The following DYNC1I1 variants were observed in gnomAD, a reference collection of about 807,000 sequenced individuals.
DYNC1I1 encodes the protein cytoplasmic dynein 1 intermediate chain 1.
Under a neutral mutation model 86.6 loss-of-function variants are expected in DYNC1I1, and 43 were observed. That is an observed-to-expected ratio of 0.50 (90% CI 0.39 to 0.64). The LOEUF (loss-of-function observed/expected upper bound fraction) is 0.64. Ranked by LOEUF, DYNC1I1 falls within the 30% of genes least tolerant of loss-of-function variation. The pLI, the probability that DYNC1I1 is intolerant of heterozygous loss-of-function variation, is 0.00. For missense variants in DYNC1I1, 604 were observed against 788.8 expected (o/e 0.77, Z 2.81); for synonymous variants, 262 against 283.7 (o/e 0.92, Z 0.77).
At position 95,813,285 on chromosome 7, in the gene DYNC1I1, A is replaced by G; in HGVS notation, c.262A>G (p.Thr88Ala). 1.9e-6 allele frequency: 3 copies of G among 1,611,812 alleles called. No homozygotes were observed. The highest frequency in any genetic ancestry group is 2.5e-6 in the Non-Finnish European group (3 of 1,179,344). Residue 88 changes from threonine to alanine, a missense_variant, in exon 4 of 17, where the codon ACT becomes GCT. Transcript: ENST00000447467. ...PMSPSSKSVS[T>A]PSEAGSQDSG... Reference sequence around the variant, plus strand: ...GTCTCCCTCCTCGAAATCAGTGAGCACTCCCAGTGAAGCTGGAAGCCAAGA... The same window carrying G: ...GTCTCCCTCCTCGAAATCAGTGAGCGCTCCCAGTGAAGCTGGAAGCCAAGA...
chr7:96,054,061 C>A (rs536713325), intron 14 of DYNC1I1, among the ~76,000 whole-genome samples: 2 of 152,012 alleles, frequency 1.3e-5, no homozygotes, highest in Non-Finnish European at 2.9e-5. Flanking sequence ...GTTATATACA[C>A]GTGCCATGGT....
chr7:96,033,352 A>G (rs774725489), intron 12 of DYNC1I1, among the ~76,000 whole-genome samples: 15 of 152,220 alleles, frequency 9.9e-5, no homozygotes, highest in Non-Finnish European at 1.8e-4. Flanking sequence ...TACTGATTGC[A>G]ACAGTGGGGA....
chr7:95,805,486 G>A (rs1202608286), intron 2 of DYNC1I1, among the ~76,000 whole-genome samples: 1 of 152,098 alleles, frequency 6.6e-6, no homozygotes, highest in African/African-American at 2.4e-5. Context: ...TGAAATTTCA[G>A]AGACTTTCCA....
At chr7:95,814,066 T>C (rs2706881) in intron 4 of DYNC1I1, among the ~76,000 whole-genome samples, 2,813 of 152,294 alleles carry the variant, frequency 0.018, 92 homozygotes, top group African/African-American at 0.064. Flanking sequence ...TCTTCACCAG[T>C]GTTCCCACAT....
At chr7:95,984,304 T>C (rs2115681307) in intron 7 of DYNC1I1, among the ~76,000 whole-genome samples, 1 of 152,270 alleles carries the variant, frequency 6.6e-6, no homozygotes, top group South Asian at 2.1e-4. Context: ...TAACAATCAG[T>C]CAGCCTTACC....
chr7:96,022,713 A>G (rs1271655053), intron 10 of DYNC1I1, among the ~76,000 whole-genome samples: 1 of 151,806 alleles, frequency 6.6e-6, no homozygotes, highest in African/African-American at 2.4e-5. Flanking sequence ...AAAATTTTAA[A>G]AATTACCTCG....
At chr7:96,015,780 T>A (rs1403208811) in intron 10 of DYNC1I1, among the ~76,000 whole-genome samples, 2 of 152,160 alleles carry the variant, frequency 1.3e-5, no homozygotes, top group Admixed American at 6.5e-5. Context: ...GACTCTTCGG[T>A]GGACACGACA....
At chr7:95,939,619 C>A (rs1463542046) in intron 6 of DYNC1I1, among the ~76,000 whole-genome samples, 4 of 150,578 alleles carry the variant, frequency 2.7e-5, no homozygotes, top group African/African-American at 9.8e-5. Flanking sequence ...AGGATTGCAA[C>A]CCCTGCCTTT....
intron 6 of DYNC1I1, among the ~76,000 whole-genome samples, chr7:95,934,600 T>A (rs1393238050): frequency 6.6e-6 from 1 of 152,114 alleles, no homozygotes; most frequent in Non-Finnish European, 1.5e-5. Context: ...AAGTCCTCAT[T>A]GTAAAACACC....
Position 96,028,226 on chromosome 7 carries a change from G to A in DYNC1I1, c.1021G>A (p.Gly341Ser), listed in dbSNP as rs1207515046. ...FARFHPNLVV[G>S]GTYSGQIVLW... Reference sequence around the variant, plus strand: ...CCGTTTCCATCCTAACTTGGTGGTTGGTGGGACTTACTCGGGCCAGATTGT... The same window carrying A: ...CCGTTTCCATCCTAACTTGGTGGTTAGTGGGACTTACTCGGGCCAGATTGT... Residue 341 changes from glycine (G) to serine (S), a missense_variant, in exon 11 of 17, where the codon GGT becomes AGT. Transcript: ENST00000447467. 1.2e-6 allele frequency: 2 copies of A among 1,613,752 alleles called. No homozygotes were observed. The highest frequency in any genetic ancestry group is 1.3e-5 in the African/African-American group (1 of 74,862).
intron 14 of DYNC1I1, among the ~76,000 whole-genome samples, chr7:96,067,445 C>CTTTT (rs555422571): frequency 6.5e-5 from 9 of 138,764 alleles, no homozygotes; most frequent in South Asian, 2.3e-4. Flanking sequence ...TCTTTCTTTC[C>CTTTT]TTTTTTTTTT....
At position 96,054,519 on chromosome 7, in the gene DYNC1I1, T is replaced by A. The variant is rs531838746; in HGVS notation, c.1509+15098T>A. On this transcript the variant is annotated intron_variant, in intron 14 of 16. Transcript: ENST00000447467. ...TATACCCAGTAATGGGATTGCTGGG[T>A]CAAATGATATTTCTGGTTCTAGATC... Among the ~76,000 whole-genome samples, 18 of 152,362 alleles carry A rather than the reference T, an allele frequency of 1.2e-4. 1 individual carries two copies. The South Asian group carries it at 3.7e-3, about 32-fold the overall frequency.
At chr7:96,033,693 T>G in intron 12 of DYNC1I1, among the ~76,000 whole-genome samples, 1 of 152,286 alleles carries the variant, frequency 6.6e-6, no homozygotes, top group South Asian at 2.1e-4. Flanking sequence ...CACACAATTT[T>G]AGAAGAAGTT....
chr7:95,997,120 G>C (rs1009536426), intron 10 of DYNC1I1, among the ~76,000 whole-genome samples: 2 of 152,156 alleles, frequency 1.3e-5, no homozygotes, highest in African/African-American at 4.8e-5. Flanking sequence ...CTAATTTGCT[G>C]TCTCAAAAAC....
intron 12 of DYNC1I1, among the ~76,000 whole-genome samples, chr7:96,033,031 T>C (rs1010220387): frequency 2.6e-5 from 4 of 152,216 alleles, no homozygotes; most frequent in African/African-American, 9.6e-5. Flanking sequence ...AAATAATCCA[T>C]TCTAAATCAT....
At chr7:95,831,882 T>G (rs1227512) in intron 5 of DYNC1I1, among the ~76,000 whole-genome samples, 3,444 of 151,960 alleles carry the variant, frequency 0.023, 132 homozygotes, top group African/African-American at 0.079. Context: ...CTTTATATAT[T>G]TTGGATATTA....
At chr7:96,106,145 T>C (rs758180000) in intron 16 of DYNC1I1, among the ~76,000 whole-genome samples, 21 of 152,234 alleles carry the variant, frequency 1.4e-4, no homozygotes, top group Non-Finnish European at 2.5e-4. Flanking sequence ...CTTTCCACTT[T>C]GGGCTTAATT....
intron 9 of DYNC1I1, among the ~76,000 whole-genome samples, chr7:95,994,819 T>G (rs1013647043): frequency 6.6e-6 from 1 of 152,220 alleles, no homozygotes; most frequent in African/African-American, 2.4e-5. Context: ...AAGCCATTTA[T>G]GAAGCTGCTG....
chr7:95,777,054 T>C (rs552264542), intron 1 of DYNC1I1, among the ~76,000 whole-genome samples: 1 of 152,344 alleles, frequency 6.6e-6, no homozygotes, highest in South Asian at 2.1e-4. Flanking sequence ...GCTCATAGTT[T>C]CTCTGCCTGT....
Sources: gnomAD v4.1 joint callset for allele counts (sites outside exome capture counted in the v4.1 genomes callset) on GRCh38, gnomAD v4.1.1 for gene constraint, MANE v1.5 for transcripts, NCBI Gene and HGNC (gene_info 2026-07-23, HGNC 2026-07-21) for gene names.